The following CDH13 variants were observed in gnomAD, a reference collection of about 807,000 sequenced individuals.
CDH13 encodes the protein cadherin-13.
In CDH13, 24 loss-of-function variants were observed where a neutral mutation model predicts 63.8. The observed-to-expected ratio is 0.38, with a 90% CI of 0.27 to 0.53. The LOEUF (loss-of-function observed/expected upper bound fraction) is 0.53. CDH13 is among the 20% of genes least tolerant of loss of function. The pLI is 0.85. For synonymous variants in CDH13, 503 were observed against 355.3 expected (o/e 1.42, Z -4.67); for missense variants, 1,049 against 903.1 (o/e 1.16, Z -2.07).
intron 5 of CDH13, among the ~76,000 whole-genome samples, chr16:83,279,676 T>G (rs890905492): frequency 2.0e-5 from 3 of 152,156 alleles, no homozygotes; most frequent in Non-Finnish European, 4.4e-5. Flanking sequence ...TAGCTTCCTC[T>G]CTCACAACAT....
chr16:82,722,735 G>T (rs1039418289), intron 1 of CDH13, among the ~76,000 whole-genome samples: 3 of 152,162 alleles, frequency 2.0e-5, no homozygotes, highest in African/African-American at 7.2e-5. Context: ...TAGTTCTCCT[G>T]CAGGAAGTTC....
intron 1 of CDH13, among the ~76,000 whole-genome samples, chr16:82,743,429 G>T (rs1278188298): frequency 2.0e-5 from 3 of 152,004 alleles, no homozygotes; most frequent in Non-Finnish European, 4.4e-5. Context: ...GGGTCTCACC[G>T]TATTGCCCAG....
At chr16:82,832,601 C>A (rs1332745904) in intron 1 of CDH13, among the ~76,000 whole-genome samples, 3 of 147,226 alleles carry the variant, frequency 2.0e-5, no homozygotes, top group Admixed American at 6.8e-5. Context: ...AGATTCCCAG[C>A]AAAAAAAAAA....
At chr16:83,425,167 A>G (rs1038057295) in intron 6 of CDH13, among the ~76,000 whole-genome samples, 1 of 152,220 alleles carries the variant, frequency 6.6e-6, no homozygotes, top group African/African-American at 2.4e-5. Flanking sequence ...CTCTCCCGAC[A>G]TTAACCTGAA....
intron 1 of CDH13, among the ~76,000 whole-genome samples, chr16:82,649,778 T>C (rs558429572): frequency 1.3e-5 from 2 of 152,344 alleles, no homozygotes; most frequent in South Asian, 4.1e-4. Context: ...GACACCAGAC[T>C]GCCTGGGTTT....
intron 6 of CDH13, among the ~76,000 whole-genome samples, chr16:83,367,193 T>G (rs961486903): frequency 1.3e-5 from 2 of 152,228 alleles, no homozygotes; most frequent in Non-Finnish European, 2.9e-5. Context: ...ATTTGCCCAT[T>G]CTGGACATTT....
chr16:83,232,209 C>CTTTTTT lies in CDH13; in HGVS notation c.636+14725_636+14730dup, dbSNP rs1555516431. Among the ~76,000 whole-genome samples the CTTTTTT allele has an allele frequency of 1.9e-4, 13 of 68,852 alleles. 2 individuals are homozygous for CTTTTTT. Among genetic ancestry groups the CTTTTTT allele is most frequent in the African/African-American group, 3.8e-4 (6 of 15,920 alleles). The allele number at this position is 68,852 out of a possible 152,430, so 45.2% of individuals were successfully genotyped here. ...GTACCCTTGAAATTAAAAGTGTTTT[C>CTTTTTT]TTTTTTTTTTTTTTTTTTAAAAAAA... On this transcript the variant is annotated intron_variant, in intron 5 of 13. Transcript: ENST00000567109.
chr16:83,536,530 A>C (rs889791768), intron 7 of CDH13, among the ~76,000 whole-genome samples: 8 of 151,572 alleles, frequency 5.3e-5, no homozygotes, highest in African/African-American at 1.9e-4. Flanking sequence ...AAGGCTGGAG[A>C]GGCCACCAAG....
chr16:83,775,821 A>G (rs1161847898), intron 11 of CDH13, among the ~76,000 whole-genome samples: 1 of 152,186 alleles, frequency 6.6e-6, no homozygotes, highest in Non-Finnish European at 1.5e-5. Context: ...ATTCTTGGTT[A>G]TGAGTGGTTC....
chr16:83,755,664 G>A (rs1273851890), intron 11 of CDH13, among the ~76,000 whole-genome samples: 4 of 151,834 alleles, frequency 2.6e-5, no homozygotes, highest in East Asian at 3.9e-4. Context: ...ATTTCTCTGA[G>A]CACTTTAAAG....
intron 2 of CDH13, among the ~76,000 whole-genome samples, chr16:82,905,600 C>G (rs980035832): frequency 3.9e-5 from 6 of 152,048 alleles, no homozygotes; most frequent in African/African-American, 1.2e-4. Flanking sequence ...CTGTCTCATA[C>G]AAATATAACA....
intron 9 of CDH13, among the ~76,000 whole-genome samples, chr16:83,676,486 G>T (rs1007832774): frequency 6.6e-6 from 1 of 152,170 alleles, no homozygotes; most frequent in Admixed American, 6.5e-5. Context: ...CCCTGGCCCT[G>T]GTTTGAGGTT....
intron 6 of CDH13, among the ~76,000 whole-genome samples, chr16:83,443,829 G>C (rs1468222876): frequency 1.3e-5 from 2 of 148,204 alleles, no homozygotes; most frequent in Non-Finnish European, 3.0e-5. Context: ...CAGCTACTCA[G>C]GAGGCTGAGG....
chr16:83,565,638 C>T (rs183780710), intron 7 of CDH13, among the ~76,000 whole-genome samples: 6 of 152,108 alleles, frequency 3.9e-5, no homozygotes, highest in African/African-American at 9.6e-5. Flanking sequence ...TCCTTCTTCA[C>T]GTTTTTTCCT....
intron 8 of CDH13, among the ~76,000 whole-genome samples, chr16:83,636,406 C>G (rs1025309689): frequency 2.0e-5 from 3 of 152,022 alleles, no homozygotes; most frequent in Non-Finnish European, 4.4e-5. Context: ...ACCCTAGCAC[C>G]CAAATTGGTA....
intron 2 of CDH13, among the ~76,000 whole-genome samples, chr16:82,874,691 G>T (rs944345484): frequency 2.0e-5 from 3 of 152,174 alleles, no homozygotes; most frequent in Admixed American, 2.0e-4. Flanking sequence ...GAAATAAGCA[G>T]TGCTTGAAAA....
chr16:83,588,172 C>A (rs1487119478), intron 7 of CDH13, among the ~76,000 whole-genome samples: 2 of 152,176 alleles, frequency 1.3e-5, no homozygotes, highest in Non-Finnish European at 2.9e-5. Flanking sequence ...ATAGACACCT[C>A]TCCAAAGGAG....
intron 3 of CDH13, among the ~76,000 whole-genome samples, chr16:83,033,140 A>G (rs982430619): frequency 7.9e-5 from 12 of 152,176 alleles, no homozygotes; most frequent in Non-Finnish European, 4.4e-5. Flanking sequence ...GTATACACAT[A>G]TGTATACATC....
intron 8 of CDH13, among the ~76,000 whole-genome samples, chr16:83,632,481 C>G (rs1040086957): frequency 2.0e-5 from 3 of 151,970 alleles, no homozygotes; most frequent in African/African-American, 7.3e-5. Flanking sequence ...CTTATGATTT[C>G]TTTGTGAGGT....
Sources: allele counts gnomAD v4.1 joint callset (sites outside exome capture counted in the v4.1 genomes callset), GRCh38; gene constraint gnomAD v4.1.1; transcripts MANE v1.5; gene names NCBI Gene and HGNC (gene_info 2026-07-23, HGNC 2026-07-21).